The following MAST4 variants were observed in gnomAD, a reference collection of about 807,000 sequenced individuals.
The protein encoded by MAST4 is microtubule-associated serine/threonine-protein kinase 4.
MAST4 carries 89 observed loss-of-function variants against 162.7 expected under a neutral mutation model. That is an observed-to-expected ratio of 0.55 (90% CI 0.46 to 0.65). The LOEUF (loss-of-function observed/expected upper bound fraction) is 0.65. Ranked by LOEUF, MAST4 falls within the 30% of genes least tolerant of loss-of-function variation. The probability of loss-of-function intolerance (pLI) is 0.00; values close to 1 mark genes in which losing one functional copy is unlikely to be tolerated. For missense variants in MAST4, 3,153 were observed against 3,374.0 expected, an observed-to-expected ratio of 0.93 and a Z score of 1.62; for synonymous variants, 1,479 against 1,361.1, an observed-to-expected ratio of 1.09 and a Z score of -1.91.
intron 1 of MAST4, among the ~76,000 whole-genome samples, chr5:66,663,956 G>A (rs1354973069): frequency 6.6e-6 from 1 of 152,152 alleles, no homozygotes; most frequent in Admixed American, 6.5e-5. Context: ...GGTGGTGGTG[G>A]TGGAGGTGGT....
intron 4 of MAST4, among the ~76,000 whole-genome samples, chr5:66,979,998 T>C (rs1748588676): frequency 6.9e-6 from 1 of 145,506 alleles, no homozygotes; most frequent in Admixed American, 6.6e-5. Flanking sequence ...GGCACCACTA[T>C]TATTGCAAGA....
intron 4 of MAST4, chr5:66,917,341 C>T (rs1561443207): frequency 1.9e-5 from 5 of 270,030 alleles, no homozygotes; most frequent in Middle Eastern, 1.1e-3. Flanking sequence ...AGTATTAATC[C>T]GTTGTGGTAT....
intron 4 of MAST4, among the ~76,000 whole-genome samples, chr5:67,049,008 C>CACACACATATATATACGTAT (rs1362965159): frequency 9.6e-6 from 1 of 104,524 alleles, no homozygotes; most frequent in African/African-American, 4.1e-5. Flanking sequence ...TATACACACA[C>CACACACATATATATACGTAT]ATATATATAT....
chr5:66,845,122 T>TACAC (rs1319298660), intron 3 of MAST4, among the ~76,000 whole-genome samples: 13 of 106,340 alleles, frequency 1.2e-4, no homozygotes, highest in East Asian at 3.0e-4. Flanking sequence ...TATATATATA[T>TACAC]ATATACACAC....
At chr5:66,918,190 A>T (rs1764243436) in intron 4 of MAST4, among the ~76,000 whole-genome samples, 1 of 152,166 alleles carries the variant, frequency 6.6e-6, no homozygotes, top group Non-Finnish European at 1.5e-5. Context: ...ATATTATTGC[A>T]TTAAAGCTTA....
chr5:66,843,694 G>A (rs1758590500), intron 3 of MAST4, among the ~76,000 whole-genome samples: 1 of 152,036 alleles, frequency 6.6e-6, no homozygotes, highest in South Asian at 2.1e-4. Context: ...TCACTTTCTG[G>A]GAGCCATATC....
At chr5:67,118,901 GA>G in intron 13 of MAST4, among the ~76,000 whole-genome samples, 152 bp downstream of exon 13, 1 of 152,284 alleles carries the variant, frequency 6.6e-6, no homozygotes, top group South Asian at 2.1e-4. Flanking sequence ...GAAGAAAAAA[GA>G]CCATGTGCTA....
At chr5:66,656,807 T>C (rs1318307072) in intron 1 of MAST4, among the ~76,000 whole-genome samples, 1 of 152,224 alleles carries the variant, frequency 6.6e-6, no homozygotes, top group Non-Finnish European at 1.5e-5. Flanking sequence ...ATGTATTTTA[T>C]AAATTACTAA....
intron 1 of MAST4, among the ~76,000 whole-genome samples, chr5:66,626,290 G>T (rs185084293): frequency 6.6e-6 from 1 of 152,006 alleles, no homozygotes; most frequent in Non-Finnish European, 1.5e-5. Flanking sequence ...TAACTGTAGG[G>T]GTAATAGAGA....
intron 5 of MAST4, among the ~76,000 whole-genome samples, chr5:67,078,301 T>G (rs372466434): frequency 6.7e-6 from 1 of 148,310 alleles, no homozygotes; most frequent in Non-Finnish European, 1.5e-5. Context: ...AGAAAACCAG[T>G]CTTCAATATA....
At chr5:66,744,055 T>A (rs917438231) in intron 1 of MAST4, among the ~76,000 whole-genome samples, 3 of 152,208 alleles carry the variant, frequency 2.0e-5, no homozygotes, top group Non-Finnish European at 4.4e-5. Context: ...CTCAGTCATT[T>A]CCTTCTCTTT....
chr5:66,738,410 A>T (rs78131779), intron 1 of MAST4, among the ~76,000 whole-genome samples: 1 of 152,166 alleles, frequency 6.6e-6, no homozygotes, highest in African/African-American at 2.4e-5. Context: ...TTGTATGCCT[A>T]GAAGGTGGAG....
intron 4 of MAST4, among the ~76,000 whole-genome samples, chr5:67,006,811 A>T (rs1364059128): frequency 6.6e-6 from 1 of 152,170 alleles, no homozygotes; most frequent in Non-Finnish European, 1.5e-5. Context: ...GAGAGCCTAG[A>T]TTCTAAGGAA....
intron 3 of MAST4, among the ~76,000 whole-genome samples, chr5:66,790,707 G>A (rs1445369091): frequency 6.6e-6 from 1 of 151,884 alleles, no homozygotes; most frequent in Admixed American, 6.5e-5. Flanking sequence ...ACTGTGCCTG[G>A]CTTGGGCTTA....
At chr5:66,895,968 C>T (rs1043356343) in intron 3 of MAST4, among the ~76,000 whole-genome samples, 1 of 152,166 alleles carries the variant, frequency 6.6e-6, no homozygotes, top group Non-Finnish European at 1.5e-5. Context: ...TTGTCAAAAT[C>T]ATGACTTTAA....
At chr5:67,085,832 A>C (rs897451280) in intron 5 of MAST4, among the ~76,000 whole-genome samples, 1 of 152,174 alleles carries the variant, frequency 6.6e-6, no homozygotes, top group East Asian at 1.9e-4. Flanking sequence ...AGCTCTCTTC[A>C]TGAGTCACCT....
intron 4 of MAST4, among the ~76,000 whole-genome samples, chr5:66,996,337 C>G (rs1750654164): frequency 6.6e-6 from 1 of 151,746 alleles, no homozygotes. Flanking sequence ...CGTATATAAC[C>G]ATATATATAA....
chr5:66,612,749 G>T (rs774616456), intron 1 of MAST4, among the ~76,000 whole-genome samples: 1 of 152,104 alleles, frequency 6.6e-6, no homozygotes, highest in Non-Finnish European at 1.5e-5. Flanking sequence ...GTGCCTTGAC[G>T]ATTTTAAGCA....
chr5:66,781,244 C>T (rs2149660687), intron 2 of MAST4, among the ~76,000 whole-genome samples: 1 of 152,316 alleles, frequency 6.6e-6, no homozygotes, highest in Admixed American at 6.5e-5. Flanking sequence ...TTTTACTAGA[C>T]ACAGGGAAGG....
Sources: gnomAD v4.1 joint callset for allele counts (sites outside exome capture counted in the v4.1 genomes callset) on GRCh38, gnomAD v4.1.1 for gene constraint, MANE v1.5 for transcripts, NCBI Gene and HGNC (gene_info 2026-07-23, HGNC 2026-07-21) for gene names.